F8: variants seen among roughly 807,000 people sequenced by gnomAD.
F8 encodes the protein antihemophilic factor.
A neutral mutation model predicts 140.6 loss-of-function variants in F8; 12 were observed. The ratio of observed to expected loss-of-function variants is 0.09; its 90% confidence interval spans 0.05 to 0.14. The LOEUF (loss-of-function observed/expected upper bound fraction) is 0.14. F8 is among the 10% of genes least tolerant of loss of function. The pLI is 1.00. For synonymous variants in F8, 585 were observed against 614.6 expected, an observed-to-expected ratio of 0.95 and a Z score of 0.71; for missense variants, 1,354 against 1,720.7, an observed-to-expected ratio of 0.79 and a Z score of 3.77.
At chrX:154,982,249 C>T (rs1485276441) in intron 6 of F8, among the ~76,000 whole-genome samples, 1 of 105,243 alleles carries the variant, frequency 9.5e-6, no homozygotes, top group Non-Finnish European at 1.9e-5. Flanking sequence ...AGATCGAGAC[C>T]ATCCTGGCTA....
Position 154,961,069 on chromosome X carries a change from A to AT in F8, c.1537+5dup. On this transcript the variant is annotated splice_donor_region_variant and intron_variant, in intron 10 of 25. Coordinates refer to ENST00000360256, the MANE Select transcript of F8 (RefSeq NM_000132.4). ...AAAAAGAGCTATAAATCGAGGGAAT[A>AT]TTTACCTTTTGGTAATCTCCTTGAA... The AT allele has an allele frequency of 2.6e-6, 3 of 1,148,209 alleles. No homozygotes were observed. The East Asian group carries it at 8.9e-5, about 34-fold the overall frequency. The allele number at this position is 1,148,209 out of a possible 1,213,427, so 94.6% of individuals were successfully genotyped here.
At chrX:154,999,714 T>G in intron 1 of F8, 114 bp from the exon 2 acceptor site, 2 of 890,984 alleles carry the variant, frequency 2.2e-6, no homozygotes, top group Non-Finnish European at 3.2e-6. Flanking sequence ...AATTTGAAGT[T>G]GTATATAAAT....
intron 13 of F8, among the ~76,000 whole-genome samples, chrX:154,936,023 C>A (rs797027468): frequency 1.1e-4 from 10 of 93,675 alleles, no homozygotes; most frequent in South Asian, 4.7e-4. Context: ...CACACACACA[C>A]AAAAATCAAA....
At chrX:154,874,407 A>T (rs1000482350) in intron 22 of F8, among the ~76,000 whole-genome samples, 1 of 112,701 alleles carries the variant, frequency 8.9e-6, no homozygotes, top group Non-Finnish European at 1.9e-5. Context: ...ACAGTTCTGG[A>T]GGCTGGGCAG....
intron 6 of F8, among the ~76,000 whole-genome samples, chrX:154,972,006 C>A (rs2073458705): frequency 8.9e-6 from 1 of 112,104 alleles, no homozygotes; most frequent in Non-Finnish European, 1.9e-5. Context: ...GATGTTTCTT[C>A]AACATGCTGA....
At chrX:154,979,124 C>T (rs2073503213) in intron 6 of F8, among the ~76,000 whole-genome samples, 1 of 111,515 alleles carries the variant, frequency 9.0e-6, no homozygotes, top group Non-Finnish European at 1.9e-5. Flanking sequence ...TGGGTGGGTT[C>T]TCAAGTTCCT....
chrX:154,961,140 G>T lies in F8; in HGVS notation c.1472C>A (p.Pro491Gln). 8.4e-7 allele frequency: 1 copy of T among 1,197,076 alleles called. No homozygotes were observed. Among genetic ancestry groups the T allele is most frequent in the Non-Finnish European group, 1.1e-6 (1 of 882,334 alleles). ...GATTCCGTGAGGGTAGATGTTATAT[G>T]GTCTGCTTGCTTGATTCTTAAATAT... ...LIIFKNQASR[P>Q]YNIYPHGITD... Residue 491 changes from proline (P) to glutamine (Q), a missense_variant, in exon 10 of 26, where the codon CCA becomes CAA. Pro to Gln is a moderately conservative substitution (Grantham distance 76, BLOSUM62 -1). Transcript: ENST00000360256.
chrX:154,925,722 C>T lies in F8; in HGVS notation c.5219+2849G>A, dbSNP rs1162309583. 4.4e-5 allele frequency among the ~76,000 whole-genome samples: 5 copies of T among 112,952 alleles called. No individual in the cohort carries two copies. The Admixed American group carries it at 4.6e-4, about 10-fold the overall frequency. ...TGGAATGGCTGTATTTACCCAATGC[C>T]TATACCCCATTGTATCTAGGAAGTA... On this transcript the variant is annotated intron_variant, in intron 14 of 25. Coordinates refer to ENST00000360256, the MANE Select transcript of F8 (RefSeq NM_000132.4).
At chrX:154,856,287 C>A (rs978055980) in intron 25 of F8, among the ~76,000 whole-genome samples, 1 of 112,544 alleles carries the variant, frequency 8.9e-6, no homozygotes, top group Admixed American at 9.4e-5. Flanking sequence ...TGTGATCACT[C>A]TTCTCTGTAG....
At chrX:154,948,671 CT>C (rs1462777138) in intron 12 of F8, among the ~76,000 whole-genome samples, 47 of 111,686 alleles carry the variant, frequency 4.2e-4, no homozygotes, top group African/African-American at 1.5e-3. Context: ...TAACATTGGC[CT>C]TAGTCTATGA....
chrX:154,947,622 C>T, intron 13 of F8, 76 bp downstream of exon 13: 1 of 766,295 alleles, frequency 1.3e-6, no homozygotes, highest in Non-Finnish European at 2.0e-6. Context: ...AGCATGTGAG[C>T]TAGTGGGCAA....
chrX:154,966,359 T>C (rs2073423540), intron 8 of F8, 67 bp downstream of exon 8: 5 of 1,171,997 alleles, frequency 4.3e-6, no homozygotes, highest in Non-Finnish European at 5.8e-6. Context: ...ATTTGTTGGT[T>C]TGAATAACTG....
intron 22 of F8, among the ~76,000 whole-genome samples, chrX:154,890,888 A>G (rs1557275138): frequency 8.9e-6 from 1 of 112,493 alleles, no homozygotes; most frequent in Non-Finnish European, 1.9e-5. Context: ...TTCCCACTTT[A>G]TTTTCAAGTT....
At chrX:154,939,337 G>A (rs1201321116) in intron 13 of F8, among the ~76,000 whole-genome samples, 5 of 112,395 alleles carry the variant, frequency 4.4e-5, no homozygotes, top group South Asian at 3.7e-4. Flanking sequence ...CTCTTCCAAC[G>A]GGCTTAACAA....
rs143270996 is a variant in F8, at chrX:154,940,313, T to A, written c.2113+7385A>T. ...AACTAGAATAACCAATGCAGAGAAG[T>A]GGTTAAAGGACCTGATGGAGCTGAA... On this transcript the variant is annotated intron_variant, in intron 13 of 25. Transcript: ENST00000360256. Among the ~76,000 whole-genome samples, 241 of 111,503 alleles carry A rather than the reference T, an allele frequency of 2.2e-3. 2 individuals are homozygous for A. Among genetic ancestry groups the A allele is most frequent in the Admixed American group, 0.016 (170 of 10,570 alleles).
chrX:155,001,595 A>G (rs1202377704), intron 1 of F8, among the ~76,000 whole-genome samples: 1 of 111,243 alleles, frequency 9.0e-6, no homozygotes, highest in Non-Finnish European at 1.9e-5. Context: ...CAGCCCAAGC[A>G]TGTTTAAATA....
intron 13 of F8, among the ~76,000 whole-genome samples, chrX:154,932,972 C>T (rs1476644496): frequency 2.7e-5 from 3 of 111,338 alleles, no homozygotes; most frequent in African/African-American, 9.8e-5. Context: ...TAGAGATTCT[C>T]GTCAAACTAG....
At chrX:154,862,321 C>T (rs1471787994) in intron 23 of F8, among the ~76,000 whole-genome samples, 7 of 111,876 alleles carry the variant, frequency 6.3e-5, no homozygotes, top group Admixed American at 2.8e-4. Context: ...CCACCACGCC[C>T]GGCCAATTCT....
At chrX:155,005,546 C>T (rs1311583032) in intron 1 of F8, among the ~76,000 whole-genome samples, 3 of 111,166 alleles carry the variant, frequency 2.7e-5, no homozygotes, top group Non-Finnish European at 5.7e-5. Flanking sequence ...GTGCTGTGTT[C>T]CAAACCTTTC....
Sources: allele counts gnomAD v4.1 joint callset (sites outside exome capture counted in the v4.1 genomes callset), GRCh38; gene constraint gnomAD v4.1.1; transcripts MANE v1.5; gene names NCBI Gene and HGNC (gene_info 2026-07-23, HGNC 2026-07-21).